CRISPLD2: variants seen among roughly 807,000 people sequenced by gnomAD.
The protein encoded by CRISPLD2 is cysteine-rich secretory protein LCCL domain-containing 2.
In CRISPLD2, 47 loss-of-function variants were observed where a neutral mutation model predicts 71.1. That is an observed-to-expected ratio of 0.66 (90% confidence interval 0.52 to 0.84). The LOEUF is 0.84. Ranked by LOEUF, CRISPLD2 falls within the 40% of genes least tolerant of loss-of-function variation. The pLI is 0.00. For synonymous variants in CRISPLD2, 317 were observed against 250.1 expected, an observed-to-expected ratio of 1.27 and a Z score of -2.52; for missense variants, 830 against 651.1, an observed-to-expected ratio of 1.27 and a Z score of -2.99.
Position 84,850,601 on chromosome 16 carries a change from G to A in CRISPLD2, c.526G>A (p.Ala176Thr). 6.2e-7 allele frequency: 1 copy of A among 1,614,190 alleles called. No homozygotes were observed. The highest frequency in any genetic ancestry group is 1.1e-5 in the South Asian group (1 of 91,086). ...GGCCACCACCAACAAGATCGGTTGTGCTGTGAACACCTGCCGGAAGATGAC... is the reference window on the plus strand; with the variant it reads ...GGCCACCACCAACAAGATCGGTTGTACTGTGAACACCTGCCGGAAGATGAC... The part of the protein sequence containing the change: ...VWATTNKIGC[A>T]VNTCRKMTVW... Residue 176 changes from alanine (A) to threonine (T), a missense_variant, in exon 5 of 15, where the codon GCT (alanine) becomes ACT (threonine). Ala to Thr is a moderately conservative substitution (Grantham distance 58, BLOSUM62 0). Coordinates refer to ENST00000262424, the MANE Select transcript of CRISPLD2 (RefSeq NM_031476.4).
chr16:84,870,916 G>C (rs1331905565), intron 8 of CRISPLD2, among the ~76,000 whole-genome samples: 2 of 151,816 alleles, frequency 1.3e-5, no homozygotes. Flanking sequence ...AAATTAGCTG[G>C]ACATGGTGGC....
At position 84,901,287 on chromosome 16, in the gene CRISPLD2, T is replaced by C. The variant is rs73255436; in HGVS notation, c.1440-5301T>C. ...ATGGGTGAGGGAAAAAATATAATAA[T>C]TGTTAACATCCACATAAGATCTAAA... On this transcript the variant is annotated intron_variant, in intron 14 of 14. Transcript: ENST00000262424. 9.0e-3 allele frequency among the ~76,000 whole-genome samples: 1,367 copies of C among 152,202 alleles called. 22 individuals carry two copies. Among genetic ancestry groups the C allele is most frequent in the African/African-American group, 0.03 (1,254 of 41,506 alleles).
At chr16:84,851,465 A>G (rs1413487215) in intron 5 of CRISPLD2, among the ~76,000 whole-genome samples, 4 of 151,676 alleles carry the variant, frequency 2.6e-5, no homozygotes, top group African/African-American at 9.7e-5. Context: ...GCCCCGGGGC[A>G]TGTTTGCTCA....
intron 14 of CRISPLD2, among the ~76,000 whole-genome samples, chr16:84,901,626 C>A (rs143392762): frequency 1.9e-3 from 280 of 150,900 alleles, no homozygotes; most frequent in African/African-American, 6.5e-3. Flanking sequence ...CATCTGCCAC[C>A]ATACCCAGCT....
intron 8 of CRISPLD2, among the ~76,000 whole-genome samples, chr16:84,869,392 A>G (rs1316401052): frequency 6.6e-6 from 1 of 152,226 alleles, no homozygotes; most frequent in African/African-American, 2.4e-5. Flanking sequence ...TCGTCTTCCT[A>G]CGAATTCTGG....
rs112503194 is a variant in CRISPLD2 at position 84,899,556 on chromosome 16, C to T, written c.1440-7032C>T. Among the ~76,000 whole-genome samples the T allele has an allele frequency of 8.1e-4, 124 of 152,276 alleles. 1 individual carries two copies. Among genetic ancestry groups the T allele is most frequent in the African/African-American group, 2.9e-3 (119 of 41,548 alleles). ...GTGCCCAAACCTGCGGGAATTTTTA[C>T]CTGTGGCGGTGGATGGCACCAACAG... On this transcript the variant is annotated intron_variant, in intron 14 of 14. Coordinates refer to ENST00000262424, the MANE Select transcript of CRISPLD2 (RefSeq NM_031476.4).
At chr16:84,863,527 C>G (rs1917446836) in intron 6 of CRISPLD2, among the ~76,000 whole-genome samples, 1 of 152,200 alleles carries the variant, frequency 6.6e-6, no homozygotes, top group African/African-American at 2.4e-5. Context: ...AAGGCGCAGG[C>G]TTTGGGGAAA....
intron 1 of CRISPLD2, among the ~76,000 whole-genome samples, chr16:84,823,682 C>T (rs1283556056): frequency 1.3e-5 from 2 of 152,098 alleles, no homozygotes; most frequent in African/African-American, 2.4e-5. Flanking sequence ...TGCAAGGCTG[C>T]GAGGACATCA....
At chr16:84,840,351 A>G (rs1229805305) in intron 2 of CRISPLD2, among the ~76,000 whole-genome samples, 1 of 152,236 alleles carries the variant, frequency 6.6e-6, no homozygotes, top group Non-Finnish European at 1.5e-5. Flanking sequence ...ACCAATTTGC[A>G]GAAGAGAAAA....
chr16:84,838,623 C>T lies in CRISPLD2; in HGVS notation c.128C>T (p.Ser43Phe), dbSNP rs201798041. 18 of 1,614,122 alleles carry T rather than the reference C, an allele frequency of 1.1e-5. No individual in the cohort carries two copies. Among genetic ancestry groups the T allele is most frequent in the Non-Finnish European group, 1.4e-5 (16 of 1,180,044 alleles). Residue 43 changes from serine to phenylalanine, a missense_variant, in exon 2 of 15, where the codon TCT becomes TTT. By Grantham distance (155) the Ser-to-Phe change is radical (BLOSUM62 -2). Coordinates refer to ENST00000262424, the MANE Select transcript of CRISPLD2 (RefSeq NM_031476.4). ...CTCAGCAAATACCAGCACAACGAGT[C>T]TCACTCCCGGGTCCGCAGAGCCATC... ...ELLSKYQHNE[S>F]HSRVRRAIPR...
chr16:84,841,678 C>G (rs1394414660), intron 2 of CRISPLD2, among the ~76,000 whole-genome samples: 2 of 152,016 alleles, frequency 1.3e-5, no homozygotes, highest in Non-Finnish European at 2.9e-5. Flanking sequence ...TCACTGCAAC[C>G]CCCGACCCCT....
At chr16:84,867,115 G>A in intron 7 of CRISPLD2, 75 bp downstream of exon 7, 1 of 1,501,144 alleles carries the variant, frequency 6.7e-7, no homozygotes. Context: ...TGGAGGAGGG[G>A]AGCTAGTGGA....
chr16:84,881,759 A>C (rs2071570518), intron 13 of CRISPLD2, among the ~76,000 whole-genome samples: 1 of 152,052 alleles, frequency 6.6e-6, no homozygotes, highest in Non-Finnish European at 1.5e-5. Flanking sequence ...TATAGGGGTG[A>C]GCCACTGCAC....
chr16:84,833,072 A>T (rs1916526200), intron 1 of CRISPLD2, among the ~76,000 whole-genome samples: 1 of 152,208 alleles, frequency 6.6e-6, no homozygotes, highest in African/African-American at 2.4e-5. Flanking sequence ...ACTTTAAACT[A>T]GCCACACAGT....
chr16:84,866,132 T>C (rs8049839), intron 6 of CRISPLD2, among the ~76,000 whole-genome samples: 86,975 of 151,822 alleles, frequency 0.57, 25,256 homozygotes, highest in East Asian at 0.83. Context: ...CACCGTGATG[T>C]GTGCATGATG....
At chr16:84,889,163 G>T in intron 13 of CRISPLD2, 67 bp from the exon 14 acceptor site, 1 of 1,607,354 alleles carries the variant, frequency 6.2e-7, no homozygotes, top group East Asian at 2.2e-5. Context: ...GAATGATGGA[G>T]CCCCAGCTGG....
chr16:84,867,979 G>A (rs930799103), intron 7 of CRISPLD2, among the ~76,000 whole-genome samples: 4 of 152,200 alleles, frequency 2.6e-5, no homozygotes, highest in Non-Finnish European at 4.4e-5. Flanking sequence ...GGCTGTGGAG[G>A]GGCGTTTTTG....
chr16:84,854,293 G>T (rs1023709962), intron 5 of CRISPLD2, among the ~76,000 whole-genome samples: 2 of 152,182 alleles, frequency 1.3e-5, no homozygotes, highest in Non-Finnish European at 2.9e-5. Flanking sequence ...ACCAGGGATG[G>T]TGTGTGGTAA....
chr16:84,820,974 C>G (rs754085431), intron 1 of CRISPLD2, among the ~76,000 whole-genome samples: 18 of 152,210 alleles, frequency 1.2e-4, no homozygotes, highest in Admixed American at 3.9e-4. Flanking sequence ...GGCTGGTGGA[C>G]AAGCCAGGGA....
Sources: allele counts gnomAD v4.1 joint callset (sites outside exome capture counted in the v4.1 genomes callset), GRCh38; gene constraint gnomAD v4.1.1; transcripts MANE v1.5; gene names NCBI Gene and HGNC (gene_info 2026-07-23, HGNC 2026-07-21).